Variants in RAB5C observed in about 807,000 individuals in gnomAD.
RAB5C encodes the protein RAB5C, member RAS oncogene family, also known as ras-related protein Rab-5C.
A neutral mutation model predicts 25.2 loss-of-function variants in RAB5C; 4 were observed. The ratio of observed to expected loss-of-function variants is 0.16; its 90% CI spans 0.08 to 0.36. The LOEUF (loss-of-function observed/expected upper bound fraction) is 0.36. RAB5C is among the 10% of genes least tolerant of loss of function. The pLI is 1.00. For missense variants in RAB5C, 199 were observed against 283.8 expected (o/e 0.70, Z 2.15); for synonymous variants, 100 against 106.4 (o/e 0.94, Z 0.37).
intron 1 of RAB5C, among the ~76,000 whole-genome samples, chr17:42,150,458 A>C (rs111786773): frequency 0.073 from 9,836 of 134,574 alleles, 368 homozygotes; most frequent in African/African-American, 0.11. Flanking sequence ...GCAGGAGAAT[A>C]GCTTGAGCCC....
At chr17:42,127,524 G>A (rs1227309898) in intron 4 of RAB5C, among the ~76,000 whole-genome samples, 5 of 151,754 alleles carry the variant, frequency 3.3e-5, no homozygotes, top group Non-Finnish European at 7.4e-5. Context: ...TTCCTTTTAG[G>A]CCCATGCTTT....
chr17:42,141,620 C>T (rs1290240266), intron 1 of RAB5C, among the ~76,000 whole-genome samples: 1 of 152,206 alleles, frequency 6.6e-6, no homozygotes, highest in African/African-American at 2.4e-5. Context: ...TCCATCCCTA[C>T]TGCACAGAGC....
At chr17:42,139,993 G>C (rs2054576265) in intron 1 of RAB5C, among the ~76,000 whole-genome samples, 1 of 152,178 alleles carries the variant, frequency 6.6e-6, no homozygotes, top group African/African-American at 2.4e-5. Context: ...TATTTAGCTA[G>C]GACATTTCTC....
intron 1 of RAB5C, among the ~76,000 whole-genome samples, chr17:42,136,753 GA>G (rs141506951): frequency 2.2e-4 from 33 of 151,790 alleles, no homozygotes; most frequent in African/African-American, 7.7e-4. Context: ...GACAATTAAA[GA>G]AAAAAAATGA....
chr17:42,145,477 T>C (rs2079630141), intron 1 of RAB5C, among the ~76,000 whole-genome samples: 1 of 152,184 alleles, frequency 6.6e-6, no homozygotes, highest in African/African-American at 2.4e-5. Flanking sequence ...TCCCAAAACT[T>C]GGCACAGTCT....
In RAB5C at chr17:42,133,525, T is replaced by G. The variant is rs148696998; in HGVS notation, c.-88-2935A>C. On this transcript the variant is annotated intron_variant, in intron 1 of 5. Coordinates refer to ENST00000346213, the MANE Select transcript of RAB5C (RefSeq NM_004583.4). The stretch of plus-strand genomic sequence containing the variant: ...ACGGTGTCTGTACATTGAAGTCATC[T>G]GTGCAGCCAGCCCCTCGAGATTCTC... Among the ~76,000 whole-genome samples, 4 of 152,372 alleles carry G rather than the reference T, an allele frequency of 2.6e-5. No homozygotes were observed. The East Asian group carries it at 7.7e-4, about 29-fold the overall frequency.
At chr17:42,140,516 T>TATATATATATATATATA (rs61570185) in intron 1 of RAB5C, among the ~76,000 whole-genome samples, 2 of 12,910 alleles carry the variant, frequency 1.5e-4, no homozygotes, top group African/African-American at 6.2e-4. Flanking sequence ...TATATATATA[T>TATATATATATATATATA]TTTTTTTTTT....
chr17:42,130,738 G>A, intron 1 of RAB5C, 148 bp from the exon 2 acceptor site: 6 of 982,012 alleles, frequency 6.1e-6, no homozygotes, highest in African/African-American at 1.7e-5. Flanking sequence ...CCCCACTAGA[G>A]GTCAGGAGGC....
At chr17:42,125,937 C>G in intron 5 of RAB5C, 39 bp from the exon 6 acceptor site, 3 of 1,460,936 alleles carry the variant, frequency 2.1e-6, no homozygotes, top group Non-Finnish European at 2.8e-6. Flanking sequence ...TTGGGGGTAC[C>G]CCAATAACTC....
chr17:42,125,805 C>A lies in RAB5C; in HGVS notation c.629G>T (p.Arg210Leu). ...VDLQENNPASRSQCCSN is the reference protein window; with the variant it reads ...VDLQENNPASLSQCCSN ...GGCTCAGTTGCTGCAGCACTGGCTC[C>A]GGCTGGCTGGGTTGTTCTCCTGGAG... The change falls in exon 6 of 6, where the codon CGG becomes CTG. Residue 210 changes from arginine (R) to leucine (L), a missense_variant. By Grantham distance (102) the Arg-to-Leu change is moderately radical. This residue lies in a region of RAB5C where 154 missense variants were observed against 199.6 expected (regional missense o/e 0.77). Transcript: ENST00000346213. 6.2e-7 allele frequency: 1 copy of A among 1,607,714 alleles called. No homozygotes were observed. The highest frequency in any genetic ancestry group is 2.2e-5 in the East Asian group (1 of 44,712).
intron 1 of RAB5C, among the ~76,000 whole-genome samples, chr17:42,141,065 G>C (rs2079600312): frequency 6.6e-6 from 1 of 152,180 alleles, no homozygotes; most frequent in South Asian, 2.1e-4. Flanking sequence ...CTGGGCTCAA[G>C]TGATCCACCT....
intron 1 of RAB5C, among the ~76,000 whole-genome samples, chr17:42,148,968 T>C (rs906104564): frequency 2.0e-5 from 3 of 152,208 alleles, no homozygotes; most frequent in Non-Finnish European, 4.4e-5. Context: ...CAAGAGTGCC[T>C]GGCACATGGC....
intron 1 of RAB5C, among the ~76,000 whole-genome samples, chr17:42,144,176 G>T (rs573086189): frequency 6.6e-6 from 1 of 152,146 alleles, no homozygotes; most frequent in East Asian, 1.9e-4. Context: ...GGGAGAATAG[G>T]CCAGGCGCAG....
At chr17:42,126,456 C>T (rs995278582) in intron 5 of RAB5C, 2 of 202,916 alleles carry the variant, frequency 9.9e-6, no homozygotes, top group African/African-American at 4.7e-5. Context: ...CACCGTGAAA[C>T]CCCGTCTCTA....
chr17:42,144,925 C>CAAAAAAAAAAAAAA (rs544870361), intron 1 of RAB5C, among the ~76,000 whole-genome samples: 5 of 31,104 alleles, frequency 1.6e-4, no homozygotes, highest in Non-Finnish European at 3.3e-4. Context: ...GACTCCGTCT[C>CAAAAAAAAAAAAAA]AAAAAAAAAA....
rs1293513373 is a variant in RAB5C, at chr17:42,125,912, G to A, written c.536-14C>T. 6.3e-7 allele frequency: 1 copy of A among 1,584,520 alleles called. No individual in the cohort carries two copies. Among genetic ancestry groups the A allele is most frequent in the South Asian group, 1.1e-5 (1 of 87,874 alleles). On this transcript the variant is annotated splice_polypyrimidine_tract_variant and intron_variant, in intron 5 of 5. Coordinates refer to ENST00000346213, the MANE Select transcript of RAB5C (RefSeq NM_004583.4). The stretch of plus-strand genomic sequence containing the variant: ...GAAGCTTCTTAGCTGTTTGGGAGGG[G>A]GAAAAGTGCATTTGTTGGGGGTACC...
At chr17:42,142,525 G>A (rs145343511) in intron 1 of RAB5C, among the ~76,000 whole-genome samples, 1 of 152,302 alleles carries the variant, frequency 6.6e-6, no homozygotes, top group African/African-American at 2.4e-5. Context: ...TCATCACCAC[G>A]CTGTCTGAGC....
At chr17:42,132,501 T>C (rs1475482086) in intron 1 of RAB5C, among the ~76,000 whole-genome samples, 2 of 152,216 alleles carry the variant, frequency 1.3e-5, no homozygotes, top group Non-Finnish European at 2.9e-5. Context: ...ACAGTGCCTA[T>C]GTGCATACTA....
At chr17:42,134,614 C>T (rs768188104) in intron 1 of RAB5C, among the ~76,000 whole-genome samples, 3 of 152,110 alleles carry the variant, frequency 2.0e-5, no homozygotes, top group African/African-American at 4.8e-5. Flanking sequence ...GTACAATGGC[C>T]GTGCTGGAGC....
Sources: gnomAD v4.1 joint callset for allele counts (sites outside exome capture counted in the v4.1 genomes callset) on GRCh38, gnomAD v4.1.1 for gene constraint, gnomAD v4.1.1 regional missense constraint, MANE v1.5 for transcripts, NCBI Gene and HGNC (gene_info 2026-07-23, HGNC 2026-07-21) for gene names.